TSPAN18: variants seen among roughly 807,000 people sequenced by gnomAD.
TSPAN18 encodes tetraspanin-18.
In TSPAN18, 14 loss-of-function variants were observed where a neutral mutation model predicts 27.3. The observed-to-expected ratio is 0.51, with a 90% CI of 0.34 to 0.80. TSPAN18 has a LOEUF of 0.80. Among genes scored for constraint, TSPAN18 ranks in the 30% least tolerant of loss-of-function variants. TSPAN18 has a pLI of 0.01. For missense variants in TSPAN18, 268 were observed against 323.9 expected (o/e 0.83, Z 1.32); for synonymous variants, 143 against 136.5 (o/e 1.05, Z -0.33).
At chr11:44,838,272 C>T (rs911700098) in intron 2 of TSPAN18, among the ~76,000 whole-genome samples, 1 of 152,136 alleles carries the variant, frequency 6.6e-6, no homozygotes, top group Non-Finnish European at 1.5e-5. Flanking sequence ...GCATGTCTTA[C>T]ATGGCAGCAG....
intron 1 of TSPAN18, among the ~76,000 whole-genome samples, chr11:44,739,548 C>T (rs572411262): frequency 6.6e-6 from 1 of 152,256 alleles, no homozygotes; most frequent in Admixed American, 6.5e-5. Flanking sequence ...CACTTGAACC[C>T]GGGAGGCAGA....
At chr11:44,736,144 TCTTA>T (rs1854788291) in intron 1 of TSPAN18, 1 of 152,206 alleles carries the variant, frequency 6.6e-6, no homozygotes, top group Admixed American at 6.5e-5. Flanking sequence ...ATTTCATTCC[TCTTA>T]CTATTACAGT....
rs951810156 is a variant in TSPAN18 at position 44,874,424 on chromosome 11, C to T, written c.-11+13955C>T. Among the ~76,000 whole-genome samples, 12 of 152,164 alleles carry T rather than the reference C, an allele frequency of 7.9e-5. 1 individual carries two copies. The highest frequency in any genetic ancestry group is 5.2e-4 in the Admixed American group (8 of 15,280). On this transcript the variant is annotated intron_variant, in intron 3 of 9. Transcript: ENST00000520358. The stretch of plus-strand genomic sequence containing the variant: ...ATGATCACTCCCTGTGCCAGGCACT[C>T]GATGTCATTTAGCCCTCCCTCTAAC...
chr11:44,907,970 G>A (rs531162025), intron 4 of TSPAN18, among the ~76,000 whole-genome samples: 7 of 150,454 alleles, frequency 4.7e-5, no homozygotes, highest in East Asian at 2.0e-4. Flanking sequence ...CAGGAGAATC[G>A]TTTGTACCTG....
intron 3 of TSPAN18, among the ~76,000 whole-genome samples, chr11:44,863,566 A>C (rs1487678652): frequency 6.6e-6 from 1 of 152,138 alleles, no homozygotes; most frequent in Non-Finnish European, 1.5e-5. Flanking sequence ...CTTAGGGCTC[A>C]TTTTCACTTA....
chr11:44,857,984 C>G (rs935792788), intron 2 of TSPAN18, among the ~76,000 whole-genome samples: 1 of 152,218 alleles, frequency 6.6e-6, no homozygotes, highest in East Asian at 1.9e-4. Flanking sequence ...CCACAGTGAT[C>G]GAGAGCTTCC....
chr11:44,801,033 T>C (rs55801004), intron 2 of TSPAN18, among the ~76,000 whole-genome samples: 7,775 of 152,300 alleles, frequency 0.051, 284 homozygotes, highest in Non-Finnish European at 0.07. Context: ...CTTTTTAAAC[T>C]GTACAGTTGT....
At chr11:44,910,200 G>C (rs1478930212) in intron 5 of TSPAN18, among the ~76,000 whole-genome samples, 1 of 152,234 alleles carries the variant, frequency 6.6e-6, no homozygotes, top group African/African-American at 2.4e-5. Flanking sequence ...CTCTTCCCAT[G>C]CCTTTGGGAC....
intron 3 of TSPAN18, among the ~76,000 whole-genome samples, chr11:44,861,811 A>T (rs1350758832): frequency 2.7e-5 from 4 of 150,714 alleles, no homozygotes; most frequent in African/African-American, 9.8e-5. Context: ...ACACACACAC[A>T]CACACACACA....
chr11:44,795,447 A>G (rs1384615647), intron 2 of TSPAN18, among the ~76,000 whole-genome samples: 1 of 152,130 alleles, frequency 6.6e-6, no homozygotes, highest in Non-Finnish European at 1.5e-5. Flanking sequence ...CTCATCTGCA[A>G]AGTGGTCATG....
At chr11:44,789,745 T>G (rs1326935376) in intron 2 of TSPAN18, among the ~76,000 whole-genome samples, 1 of 152,178 alleles carries the variant, frequency 6.6e-6, no homozygotes, top group African/African-American at 2.4e-5. Context: ...AGGAAATGAC[T>G]CTTTATTTTC....
chr11:44,797,516 A>G (rs1018206903), intron 2 of TSPAN18, among the ~76,000 whole-genome samples: 1 of 152,174 alleles, frequency 6.6e-6, no homozygotes, highest in Admixed American at 6.5e-5. Flanking sequence ...ATGGAGACTG[A>G]TGAATGGATT....
chr11:44,874,565 A>T (rs1858278993), intron 3 of TSPAN18, among the ~76,000 whole-genome samples: 1 of 152,236 alleles, frequency 6.6e-6, no homozygotes, highest in African/African-American at 2.4e-5. Context: ...GTCTATCTTG[A>T]TTGCAAAGCC....
chr11:44,850,564 A>T (rs534716918), intron 2 of TSPAN18, among the ~76,000 whole-genome samples: 1 of 152,230 alleles, frequency 6.6e-6, no homozygotes, highest in South Asian at 2.1e-4. Flanking sequence ...AATAATAATA[A>T]TAGTTTCCAC....
intron 2 of TSPAN18, among the ~76,000 whole-genome samples, chr11:44,795,420 C>G (rs1204960653): frequency 1.1e-4 from 16 of 152,164 alleles, no homozygotes; most frequent in Non-Finnish European, 1.5e-5. Context: ...CAGATGATTT[C>G]TCTAAAGCTC....
intron 3 of TSPAN18, 86 bp from the exon 4 acceptor site, chr11:44,906,321 G>A: frequency 8.3e-7 from 1 of 1,200,470 alleles, no homozygotes; most frequent in East Asian, 2.3e-5. Flanking sequence ...GGTGGGGCTG[G>A]CTGCGGGGAA....
chr11:44,919,598 G>C (rs1197127424), intron 7 of TSPAN18: 1 of 615,314 alleles, frequency 1.6e-6, no homozygotes, highest in African/African-American at 1.8e-5. Flanking sequence ...CGCCTGGTGA[G>C]GTAGGAATTG....
intron 2 of TSPAN18, among the ~76,000 whole-genome samples, chr11:44,834,957 G>A (rs1565170629): frequency 6.6e-6 from 1 of 152,342 alleles, no homozygotes; most frequent in East Asian, 1.9e-4. Context: ...TGATCCCACA[G>A]GGAAACCTGT....
chr11:44,853,493 T>C (rs1276763586), intron 2 of TSPAN18, among the ~76,000 whole-genome samples: 4 of 152,206 alleles, frequency 2.6e-5, no homozygotes, highest in African/African-American at 9.7e-5. Flanking sequence ...CTGTGTCAGG[T>C]ACTGTGCTTT....
Sources: gnomAD v4.1 joint callset for allele counts (sites outside exome capture counted in the v4.1 genomes callset) on GRCh38, gnomAD v4.1.1 for gene constraint, MANE v1.5 for transcripts, NCBI Gene and HGNC (gene_info 2026-07-23, HGNC 2026-07-21) for gene names.